Variants in DNAJC5B observed in about 807,000 individuals in gnomAD.
DNAJC5B encodes the protein dnaJ homolog subfamily C member 5B.
A neutral mutation model predicts 24.7 loss-of-function variants in DNAJC5B; 23 were observed. That is an observed-to-expected ratio of 0.93 (90% CI 0.67 to 1.32). The LOEUF (loss-of-function observed/expected upper bound fraction) is 1.32. Among genes scored for constraint, DNAJC5B ranks in the 40% most tolerant of loss-of-function variants. The pLI is 0.00. For synonymous variants in DNAJC5B, 101 were observed against 90.1 expected, an observed-to-expected ratio of 1.12 and a Z score of -0.68; for missense variants, 238 against 240.8, an observed-to-expected ratio of 0.99 and a Z score of 0.08.
chr8:66,088,274 G>A (rs576157191), intron 5 of DNAJC5B, among the ~76,000 whole-genome samples: 72 of 152,268 alleles, frequency 4.7e-4, no homozygotes, highest in African/African-American at 1.6e-3. Flanking sequence ...TGGGATGCAG[G>A]GCACCAAGTC....
At chr8:66,089,708 G>C (rs1807804876) in intron 5 of DNAJC5B, among the ~76,000 whole-genome samples, 1 of 152,106 alleles carries the variant, frequency 6.6e-6, no homozygotes, top group Admixed American at 6.5e-5. Flanking sequence ...AGAAGGGAGA[G>C]ATTTGTTTGG....
Position 66,039,073 on chromosome 8 carries a change from C to T in DNAJC5B, c.-141-4415C>T, listed in dbSNP as rs538383344. 5.9e-5 allele frequency among the ~76,000 whole-genome samples: 9 copies of T among 152,256 alleles called. No individual in the cohort carries two copies. The East Asian group carries it at 1.7e-3, about 29-fold the overall frequency. On this transcript the variant is annotated intron_variant, in intron 1 of 5. Transcript: ENST00000276570. ...GTAGTTCCTTGTTTAAGTCCATTACCACAATGTTTTTCTTTAGCTTTAACA... is the reference window on the plus strand; with the variant it reads ...GTAGTTCCTTGTTTAAGTCCATTACTACAATGTTTTTCTTTAGCTTTAACA...
chr8:66,059,664 A>G (rs1412474746), intron 3 of DNAJC5B, among the ~76,000 whole-genome samples: 14 of 152,174 alleles, frequency 9.2e-5, no homozygotes, highest in African/African-American at 2.2e-4. Flanking sequence ...TCCTTCTTCT[A>G]GGGGTCTCCT....
chr8:66,076,570 G>T, intron 3 of DNAJC5B, 90 bp from the exon 4 acceptor site: 2 of 1,352,856 alleles, frequency 1.5e-6, no homozygotes, highest in Non-Finnish European at 2.1e-6. Flanking sequence ...CGCTAATAAA[G>T]AATATACAAA....
chr8:66,091,501 A>C (rs1043244058), intron 5 of DNAJC5B, among the ~76,000 whole-genome samples: 7 of 152,200 alleles, frequency 4.6e-5, no homozygotes, highest in African/African-American at 1.7e-4. Context: ...TCTTGTGGAT[A>C]AGATGGTGAA....
At chr8:66,065,669 C>T (rs1311032412) in intron 3 of DNAJC5B, among the ~76,000 whole-genome samples, 3 of 152,048 alleles carry the variant, frequency 2.0e-5, no homozygotes, top group African/African-American at 7.3e-5. Context: ...AGGGGCTGAT[C>T]AAGAGAAAAG....
intron 3 of DNAJC5B, among the ~76,000 whole-genome samples, chr8:66,066,944 G>A (rs1369149846): frequency 1.3e-5 from 2 of 152,142 alleles, no homozygotes; most frequent in Non-Finnish European, 2.9e-5. Context: ...TGAGCTACTG[G>A]GTTTCAGCCT....
chr8:66,028,879 G>T (rs1023864880), intron 1 of DNAJC5B, among the ~76,000 whole-genome samples: 1 of 152,124 alleles, frequency 6.6e-6, no homozygotes, highest in Admixed American at 6.5e-5. Context: ...ATAAAACGAG[G>T]ACTAAACTCC....
chr8:66,089,784 G>A lies in DNAJC5B; in HGVS notation c.505+9236G>A, dbSNP rs999563984. Among the ~76,000 whole-genome samples the A allele has an allele frequency of 3.9e-5, 6 of 152,232 alleles. No individual in the cohort carries two copies. The East Asian group carries it at 9.6e-4, about 24-fold the overall frequency. ...AGCTTCTACCTTTAAGAAATAAAGGGGGGAAGTTCAAACAGTGGCATCTTC... is the reference window on the plus strand; with the variant it reads ...AGCTTCTACCTTTAAGAAATAAAGGAGGGAAGTTCAAACAGTGGCATCTTC... On this transcript the variant is annotated intron_variant, in intron 5 of 5. Transcript: ENST00000276570.
chr8:66,044,492 C>T (rs1274890392), intron 2 of DNAJC5B, among the ~76,000 whole-genome samples: 1 of 151,638 alleles, frequency 6.6e-6, no homozygotes, highest in Middle Eastern at 3.2e-3. Context: ...ATGAAGATTT[C>T]ATTTCAACAC....
chr8:66,028,834 C>A (rs530939755), intron 1 of DNAJC5B, among the ~76,000 whole-genome samples: 2 of 152,128 alleles, frequency 1.3e-5, no homozygotes, highest in African/African-American at 2.4e-5. Context: ...AAATAGAAAC[C>A]GGCACTCCCC....
At chr8:66,080,777 A>C (rs1294576697) in intron 5 of DNAJC5B, among the ~76,000 whole-genome samples, 2 of 152,258 alleles carry the variant, frequency 1.3e-5, no homozygotes, top group East Asian at 3.9e-4. Context: ...AAAATCATGA[A>C]ATATGCTGAT....
chr8:66,091,991 G>C (rs1325052949), intron 5 of DNAJC5B, among the ~76,000 whole-genome samples: 1 of 152,188 alleles, frequency 6.6e-6, no homozygotes, highest in Non-Finnish European at 1.5e-5. Flanking sequence ...GAAGTAGATT[G>C]GTGGTTGCCA....
At chr8:66,052,799 A>T (rs1485406384) in intron 3 of DNAJC5B, among the ~76,000 whole-genome samples, 1 of 152,144 alleles carries the variant, frequency 6.6e-6, no homozygotes, top group African/African-American at 2.4e-5. Context: ...GGGCATTTTG[A>T]GGTATTTAAC....
intron 1 of DNAJC5B, among the ~76,000 whole-genome samples, chr8:66,036,892 G>C (rs1191614618): frequency 6.6e-6 from 1 of 152,204 alleles, no homozygotes; most frequent in Non-Finnish European, 1.5e-5. Flanking sequence ...TGGGGCAGGG[G>C]GACCTGTGGG....
In DNAJC5B at chr8:66,095,221, T is replaced by G. The variant is rs564044049; in HGVS notation, c.506-4716T>G. On this transcript the variant is annotated intron_variant, in intron 5 of 5. Coordinates refer to ENST00000276570, the MANE Select transcript of DNAJC5B (RefSeq NM_033105.6). ...AGAACTTTCTGGGCTAGCATGTAAC[T>G]GTGCAAATTTTAAACTATTGATTTA... is the stretch of plus-strand genomic sequence containing the variant. 8.6e-5 allele frequency among the ~76,000 whole-genome samples: 13 copies of G among 151,852 alleles called. 1 individual carries two copies. In the South Asian group the frequency reaches 2.7e-3, roughly 31 times the overall value.
intron 1 of DNAJC5B, among the ~76,000 whole-genome samples, chr8:66,041,686 T>C (rs571168434): frequency 1.5e-4 from 23 of 152,244 alleles, no homozygotes; most frequent in Non-Finnish European, 2.9e-4. Context: ...ATTTAGTGCA[T>C]TTTGAATCAA....
chr8:66,056,336 G>A (rs1806962852), intron 3 of DNAJC5B: 1 of 152,154 alleles, frequency 6.6e-6, no homozygotes, highest in Admixed American at 6.6e-5. Context: ...CATCTTGCTG[G>A]GAAATGCTGT....
rs1808052674 is a variant in DNAJC5B at position 66,100,505 on chromosome 8, G to T, written c.*474G>T. The stretch of plus-strand genomic sequence containing the variant: ...CGTGTCAATATTCAATAAAGTTATA[G>T]AAATGTTTCAAGAGCCAGAAAGGGA... On this transcript the variant is annotated 3_prime_UTR_variant, in exon 6 of 6. Coordinates refer to ENST00000276570, the MANE Select transcript of DNAJC5B (RefSeq NM_033105.6). The T allele has an allele frequency of 6.6e-6, 1 of 152,170 alleles. No individual in the cohort carries two copies. Among genetic ancestry groups the T allele is most frequent in the Admixed American group, 6.5e-5 (1 of 15,278 alleles). 9.4% of individuals were successfully genotyped at this position (152,170 alleles called of 1,614,324 possible).
Sources: allele counts gnomAD v4.1 joint callset (sites outside exome capture counted in the v4.1 genomes callset), GRCh38; gene constraint gnomAD v4.1.1; transcripts MANE v1.5; gene names NCBI Gene and HGNC (gene_info 2026-07-23, HGNC 2026-07-21).